CATSPERB: variants seen among roughly 807,000 people sequenced by gnomAD.
CATSPERB encodes the protein cation channel sperm-associated auxiliary subunit beta.
A neutral mutation model predicts 128.3 loss-of-function variants in CATSPERB; 93 were observed. The ratio of observed to expected loss-of-function variants is 0.72; its 90% CI spans 0.61 to 0.86. The LOEUF is 0.86. Ranked by LOEUF, CATSPERB falls within the 40% of genes least tolerant of loss-of-function variation. CATSPERB has a pLI of 0.00. For synonymous variants in CATSPERB, 381 were observed against 448.8 expected (o/e 0.85, Z 1.91); for missense variants, 1,153 against 1,329.5 (o/e 0.87, Z 2.06).
chr14:91,640,153 ACCT>A (rs1204197406), intron 15 of CATSPERB, among the ~76,000 whole-genome samples: 1 of 150,972 alleles, frequency 6.6e-6, no homozygotes, highest in Middle Eastern at 3.2e-3. Context: ...CCTCACGCAA[ACCT>A]CCTCCAGCCC....
intron 5 of CATSPERB, among the ~76,000 whole-genome samples, 196 bp downstream of exon 5, chr14:91,719,222 C>G (rs1002522466): frequency 5.9e-5 from 9 of 152,080 alleles, no homozygotes; most frequent in Non-Finnish European, 1.3e-4. Context: ...ATATGACTGT[C>G]AGGTAAAATA....
At chr14:91,640,226 C>T (rs1335161987) in intron 15 of CATSPERB, among the ~76,000 whole-genome samples, 1 of 150,656 alleles carries the variant, frequency 6.6e-6, no homozygotes, top group Non-Finnish European at 1.5e-5. Context: ...GCCCAAAAAC[C>T]TCAATGTCAT....
chr14:91,601,798 G>T (rs1893612015), intron 22 of CATSPERB, among the ~76,000 whole-genome samples: 1 of 152,046 alleles, frequency 6.6e-6, no homozygotes, highest in Non-Finnish European at 1.5e-5. Flanking sequence ...AATATATAAA[G>T]TTAGGGGAGC....
At chr14:91,664,315 G>C (rs1279397098) in intron 14 of CATSPERB, among the ~76,000 whole-genome samples, 3 of 136,716 alleles carry the variant, frequency 2.2e-5, no homozygotes, top group African/African-American at 8.2e-5. Flanking sequence ...ACCCAGGCTG[G>C]AGTGCAGTGG....
chr14:91,731,066 T>C lies in CATSPERB; in HGVS notation c.-1+864A>G, dbSNP rs1401655411. On this transcript the variant is annotated intron_variant, in intron 1 of 26. Transcript: ENST00000256343. ...ACAGTTAAACTCTGAAAATAGTCCC[T>C]TTACCAGAAAAATCTTATATCACTT... 5.9e-5 allele frequency among the ~76,000 whole-genome samples: 9 copies of C among 152,208 alleles called. No individual in the cohort carries two copies. The East Asian group carries it at 1.7e-3, about 29-fold the overall frequency.
chr14:91,667,022 G>A (rs60220638), intron 14 of CATSPERB, among the ~76,000 whole-genome samples: 44,044 of 152,184 alleles, frequency 0.29, 6,493 homozygotes, highest in Middle Eastern at 0.34. Context: ...TGATGTAACT[G>A]TACTTGAAAG....
chr14:91,672,813 A>G, intron 13 of CATSPERB, 54 bp downstream of exon 13: 1 of 1,377,968 alleles, frequency 7.3e-7, no homozygotes, highest in Non-Finnish European at 9.6e-7. Flanking sequence ...TTGCTAAGGT[A>G]AATTTTTATT....
intron 15 of CATSPERB, among the ~76,000 whole-genome samples, chr14:91,647,802 T>C (rs1198865622): frequency 7.9e-5 from 12 of 152,210 alleles, no homozygotes; most frequent in Admixed American, 7.9e-4. Context: ...AGGTGAGATT[T>C]AGTTGGGGAC....
chr14:91,586,340 CAA>C (rs1266315080), intron 26 of CATSPERB, among the ~76,000 whole-genome samples: 2 of 152,050 alleles, frequency 1.3e-5, no homozygotes, highest in African/African-American at 4.8e-5. Context: ...GCTCTTGGGC[CAA>C]AGAGATGAGA....
chr14:91,672,550 T>C (rs1895117376), intron 13 of CATSPERB, among the ~76,000 whole-genome samples: 1 of 152,228 alleles, frequency 6.6e-6, no homozygotes, highest in Admixed American at 6.5e-5. Context: ...ACTTCCATTT[T>C]TTTTTCTGTT....
intron 5 of CATSPERB, among the ~76,000 whole-genome samples, chr14:91,714,215 G>A (rs1174331065): frequency 6.8e-6 from 1 of 147,686 alleles, no homozygotes; most frequent in Non-Finnish European, 1.5e-5. Context: ...AGGCAAGGAT[G>A]TCCTCTCTTA....
intron 17 of CATSPERB, among the ~76,000 whole-genome samples, chr14:91,632,281 A>T (rs1430814027): frequency 6.6e-6 from 1 of 152,202 alleles, no homozygotes; most frequent in African/African-American, 2.4e-5. Flanking sequence ...AAGAAGGCTG[A>T]TGCCATGTAT....
At position 91,660,019 on chromosome 14, in the gene CATSPERB, G is replaced by T. The variant is rs200549886; in HGVS notation, c.1288-38C>A. The T allele has an allele frequency of 1.2e-5, 18 of 1,529,712 alleles. No individual in the cohort carries two copies. In the African/African-American group the frequency reaches 1.8e-4, roughly 16 times the overall value. 94.8% of individuals were successfully genotyped at this position (1,529,712 alleles called of 1,614,324 possible). ...AGAGATAATACCTTACTAAAGGGCT[G>T]CCATGCAACAGTTGGCAGTTACCTA... On this transcript the variant is annotated intron_variant, in intron 14 of 26. Coordinates refer to ENST00000256343, the MANE Select transcript of CATSPERB (RefSeq NM_024764.4).
chr14:91,610,802 T>C (rs891010607), intron 20 of CATSPERB, 125 bp from the exon 21 acceptor site: 3 of 880,014 alleles, frequency 3.4e-6, no homozygotes, highest in South Asian at 1.7e-5. Context: ...TATTTGGAGA[T>C]AGGGCCTTTA....
rs999736691 is a variant in CATSPERB, at chr14:91,669,802, A to T, written c.1287+12T>A. Reference sequence around the variant, plus strand: ...TAACTCTAACACAGACTGAAGTTCCATGTGTACGCACCTGATTGCCATAAG... The same window carrying T: ...TAACTCTAACACAGACTGAAGTTCCTTGTGTACGCACCTGATTGCCATAAG... On this transcript the variant is annotated intron_variant, in intron 14 of 26. Transcript: ENST00000256343. 5.6e-6 allele frequency: 9 copies of T among 1,602,314 alleles called. No individual in the cohort carries two copies. Among genetic ancestry groups the T allele is most frequent in the African/African-American group, 2.7e-5 (2 of 74,294 alleles).
At chr14:91,611,037 G>T (rs370391712) in intron 20 of CATSPERB, among the ~76,000 whole-genome samples, 4 of 152,250 alleles carry the variant, frequency 2.6e-5, no homozygotes, top group Admixed American at 1.3e-4. Context: ...CACTAGAACT[G>T]TAAGAAAATA....
At chr14:91,593,462 C>T (rs1371870483) in intron 22 of CATSPERB, among the ~76,000 whole-genome samples, 2 of 152,228 alleles carry the variant, frequency 1.3e-5, no homozygotes, top group Non-Finnish European at 2.9e-5. Context: ...TCAGCATGAC[C>T]TGGAGTCAAA....
chr14:91,629,393 T>A (rs1179553813), intron 17 of CATSPERB, among the ~76,000 whole-genome samples: 1 of 152,166 alleles, frequency 6.6e-6, no homozygotes, highest in African/African-American at 2.4e-5. Flanking sequence ...AGGCAAAGCA[T>A]AGAGAATTTT....
intron 15 of CATSPERB, among the ~76,000 whole-genome samples, chr14:91,649,343 G>A (rs1476170908): frequency 6.7e-6 from 1 of 149,928 alleles, no homozygotes; most frequent in African/African-American, 2.5e-5. Context: ...GTGTGTGTGT[G>A]TGTGTGTGTG....
Sources: allele counts gnomAD v4.1 joint callset (sites outside exome capture counted in the v4.1 genomes callset), GRCh38; gene constraint gnomAD v4.1.1; transcripts MANE v1.5; gene names NCBI Gene and HGNC (gene_info 2026-07-23, HGNC 2026-07-21).